The following ANO6 variants were observed in gnomAD, a reference collection of about 807,000 sequenced individuals.
ANO6 encodes the protein anoctamin 6, also known as anoctamin-6.
Under a neutral mutation model 117.5 loss-of-function variants are expected in ANO6, and 106 were observed. The ratio of observed to expected loss-of-function variants is 0.90; its 90% CI spans 0.77 to 1.06. The LOEUF (loss-of-function observed/expected upper bound fraction) is 1.06, where lower values mean the gene tolerates loss of function less well. Among genes scored for constraint, ANO6 ranks in the 50% least tolerant of loss-of-function variants. The pLI is 0.00. For synonymous variants in ANO6, 367 were observed against 385.1 expected, an observed-to-expected ratio of 0.95 and a Z score of 0.55; for missense variants, 955 against 1,121.1, an observed-to-expected ratio of 0.85 and a Z score of 2.12.
intron 2 of ANO6, among the ~76,000 whole-genome samples, chr12:45,329,140 G>C (rs1391904099): frequency 6.6e-6 from 1 of 152,134 alleles, no homozygotes; most frequent in Non-Finnish European, 1.5e-5. Context: ...ATCCTAATCT[G>C]ACTGCTTTTA....
At chr12:45,262,283 A>C (rs1033554682) in intron 1 of ANO6, among the ~76,000 whole-genome samples, 10 of 152,188 alleles carry the variant, frequency 6.6e-5, no homozygotes, top group African/African-American at 2.2e-4. Context: ...CCTCATAAGC[A>C]CTCTCTGTTT....
rs977005047 is a variant in ANO6, at chr12:45,438,625, A to G, written c.2527-1050A>G. 7.2e-5 allele frequency among the ~76,000 whole-genome samples: 11 copies of G among 152,312 alleles called. No individual in the cohort carries two copies. In the East Asian group the frequency reaches 2.1e-3, roughly 29 times the overall value. ...AATTTTGTGTTTAGACCTGGGCCCC[A>G]TCCCCAAGATATCCTATTACGTATA... is the stretch of plus-strand genomic sequence containing the variant. On this transcript the variant is annotated intron_variant, in intron 19 of 19. Coordinates refer to the ANO6 transcript ENST00000425752.
intron 9 of ANO6, among the ~76,000 whole-genome samples, chr12:45,375,649 C>T (rs1440834753): frequency 6.6e-6 from 1 of 151,948 alleles, no homozygotes; most frequent in African/African-American, 2.4e-5. Flanking sequence ...ACTGGCTAGC[C>T]ATATGTAGAA....
intron 1 of ANO6, among the ~76,000 whole-genome samples, chr12:45,288,545 A>G (rs1938991844): frequency 6.6e-6 from 1 of 152,164 alleles, no homozygotes; most frequent in Admixed American, 6.5e-5. Context: ...CCTCAAGATT[A>G]ATCTATGTTG....
At chr12:45,328,426 G>GA (rs1940546867) in intron 2 of ANO6, among the ~76,000 whole-genome samples, 1 of 151,808 alleles carries the variant, frequency 6.6e-6, no homozygotes, top group Non-Finnish European at 1.5e-5. Context: ...TGATAAAAAT[G>GA]AAAAAAATTT....
chr12:45,327,066 G>A (rs1940492303), intron 2 of ANO6, among the ~76,000 whole-genome samples: 1 of 152,034 alleles, frequency 6.6e-6, no homozygotes, highest in Non-Finnish European at 1.5e-5. Context: ...TTACCTGTGT[G>A]GTTTTCAGGA....
chr12:45,395,213 C>T (rs1942576892), intron 12 of ANO6, among the ~76,000 whole-genome samples: 1 of 152,142 alleles, frequency 6.6e-6, no homozygotes, highest in Non-Finnish European at 1.5e-5. Context: ...CTATAAGCAC[C>T]TCTATGCAAA....
chr12:45,369,515 A>T (rs1941769227), intron 9 of ANO6, among the ~76,000 whole-genome samples: 1 of 151,682 alleles, frequency 6.6e-6, no homozygotes, highest in Non-Finnish European at 1.5e-5. Context: ...AAAAAAAAAA[A>T]TTGAATCTTT....
chr12:45,300,016 T>C (rs1939428671), intron 1 of ANO6, among the ~76,000 whole-genome samples: 1 of 152,178 alleles, frequency 6.6e-6, no homozygotes, highest in Admixed American at 6.5e-5. Context: ...CTGCCCTATA[T>C]GAATGTTGAG....
At chr12:45,287,978 G>A (rs2137270149) in intron 1 of ANO6, among the ~76,000 whole-genome samples, 1 of 152,148 alleles carries the variant, frequency 6.6e-6, no homozygotes. Flanking sequence ...ATGGCTTATG[G>A]CAAGGGGGAG....
intron 19 of ANO6, among the ~76,000 whole-genome samples, chr12:45,427,830 T>A (rs1216087306): frequency 6.8e-6 from 1 of 147,732 alleles, no homozygotes; most frequent in Non-Finnish European, 1.5e-5. Context: ...ATCCAGCTAC[T>A]CAGGTGGCTG....
intron 1 of ANO6, among the ~76,000 whole-genome samples, chr12:45,281,503 A>T (rs1938732760): frequency 6.6e-6 from 1 of 152,184 alleles, no homozygotes; most frequent in Non-Finnish European, 1.5e-5. Context: ...GGCGAAGGGG[A>T]GGCAGCATGT....
rs538885310 is a variant in ANO6 at position 45,320,128 on chromosome 12, C to T, written c.151-11167C>T. 2.6e-5 allele frequency among the ~76,000 whole-genome samples: 4 copies of T among 152,226 alleles called. No homozygotes were observed. The East Asian group carries it at 5.8e-4, about 22-fold the overall frequency. ...TGTGTTTCTATCTCCTTCAGTTCTT[C>T]TCTGATCTTAGTTATTTCTTGCCTT... is the stretch of plus-strand genomic sequence containing the variant. On this transcript the variant is annotated intron_variant, in intron 2 of 19. Coordinates refer to ENST00000320560, the MANE Select transcript of ANO6 (RefSeq NM_001025356.3).
At chr12:45,278,381 C>G (rs1028084096) in intron 1 of ANO6, among the ~76,000 whole-genome samples, 15 of 152,210 alleles carry the variant, frequency 9.9e-5, no homozygotes, top group African/African-American at 3.6e-4. Context: ...ACTTGCCTTC[C>G]ATTTTGTCTA....
chr12:45,374,932 C>G (rs1372827157), intron 9 of ANO6, among the ~76,000 whole-genome samples: 1 of 151,936 alleles, frequency 6.6e-6, no homozygotes, highest in Non-Finnish European at 1.5e-5. Context: ...TTGCAGACGA[C>G]ATGATTGTAT....
chr12:45,367,606 T>G, intron 8 of ANO6, 82 bp from the exon 9 acceptor site: 1 of 1,098,836 alleles, frequency 9.1e-7, no homozygotes, highest in Non-Finnish European at 1.3e-6. Flanking sequence ...GGTTTAGTTT[T>G]GTTTCTTATT....
chr12:45,294,852 G>A (rs1401107240), intron 1 of ANO6, among the ~76,000 whole-genome samples: 1 of 152,172 alleles, frequency 6.6e-6, no homozygotes, highest in Non-Finnish European at 1.5e-5. Context: ...CAAGATAGAA[G>A]TCAGAAGGAA....
chr12:45,346,876 T>G (rs1941147240), intron 3 of ANO6, 146 bp from the exon 4 acceptor site: 1 of 714,758 alleles, frequency 1.4e-6, no homozygotes. Context: ...TCATTTCTTC[T>G]ATTCCATTTG....
At chr12:45,415,253 T>C (rs1327351180) in intron 16 of ANO6, among the ~76,000 whole-genome samples, 1 of 152,244 alleles carries the variant, frequency 6.6e-6, no homozygotes, top group Non-Finnish European at 1.5e-5. Flanking sequence ...ATAGTGGTCT[T>C]AGTTTTCTCA....
Sources: allele counts gnomAD v4.1 joint callset (sites outside exome capture counted in the v4.1 genomes callset), GRCh38; gene constraint gnomAD v4.1.1; transcripts MANE v1.5; gene names NCBI Gene and HGNC (gene_info 2026-07-23, HGNC 2026-07-21).